Variants in CREB5 observed in about 807,000 individuals in gnomAD.
CREB5 encodes the protein cAMP responsive element binding protein 5.
CREB5 carries 19 observed loss-of-function variants against 57.1 expected under a neutral mutation model. That is an observed-to-expected ratio of 0.33 (90% CI 0.23 to 0.49). CREB5 has a LOEUF of 0.49. CREB5 is among the 20% of genes least tolerant of loss of function. The pLI is 0.99. For missense variants in CREB5, 579 were observed against 671.6 expected (o/e 0.86, Z 1.52); for synonymous variants, 238 against 238.3 (o/e 1.00, Z 0.01).
chr7:28,574,255 T>C (rs576794728), intron 5 of CREB5, among the ~76,000 whole-genome samples: 134 of 152,320 alleles, frequency 8.8e-4, no homozygotes, highest in African/African-American at 3.1e-3. Context: ...CGATCCAGCC[T>C]TGAACCAAAT....
intron 1 of CREB5, among the ~76,000 whole-genome samples, chr7:28,441,640 AC>A (rs1219005179): frequency 6.6e-6 from 1 of 152,200 alleles, no homozygotes; most frequent in Non-Finnish European, 1.5e-5. Flanking sequence ...TGTGGCAGGT[AC>A]TATGTTTGAC....
chr7:28,643,453 G>C (rs1798760019), intron 5 of CREB5, among the ~76,000 whole-genome samples: 1 of 152,120 alleles, frequency 6.6e-6, no homozygotes, highest in Admixed American at 6.5e-5. Context: ...TGTCTGCCCT[G>C]TTCCCATAGT....
intron 5 of CREB5, among the ~76,000 whole-genome samples, chr7:28,666,934 AG>A (rs1461477478): frequency 1.4e-5 from 2 of 148,144 alleles, no homozygotes; most frequent in Non-Finnish European, 1.5e-5. Context: ...ACCCTTTCTT[AG>A]GAAAAAAAAA....
chr7:28,501,354 T>C (rs1281153073), intron 3 of CREB5, among the ~76,000 whole-genome samples: 1 of 152,228 alleles, frequency 6.6e-6, no homozygotes, highest in Non-Finnish European at 1.5e-5. Context: ...TAAAATCAGA[T>C]TGTCTCATCC....
intron 5 of CREB5, among the ~76,000 whole-genome samples, chr7:28,631,915 A>G (rs1798220960): frequency 6.6e-6 from 1 of 152,192 alleles, no homozygotes; most frequent in African/African-American, 2.4e-5. Context: ...ACAGAAGAGT[A>G]GAGAGAATGA....
intron 1 of CREB5, among the ~76,000 whole-genome samples, chr7:28,414,943 G>A (rs1450707386): frequency 6.6e-6 from 1 of 151,992 alleles, no homozygotes. Flanking sequence ...ACCCATAAAA[G>A]ATATTATATT....
At chr7:28,727,816 CAG>C (rs966189044) in intron 7 of CREB5, among the ~76,000 whole-genome samples, 3 of 152,106 alleles carry the variant, frequency 2.0e-5, no homozygotes, top group African/African-American at 7.2e-5. Context: ...TAAGTTTATT[CAG>C]AGTTAGTGAA....
At chr7:28,601,484 A>G (rs1044379904) in intron 5 of CREB5, among the ~76,000 whole-genome samples, 2 of 152,138 alleles carry the variant, frequency 1.3e-5, no homozygotes, top group African/African-American at 2.4e-5. Context: ...GACCAGAGAA[A>G]AGGTACCTCA....
intron 5 of CREB5, among the ~76,000 whole-genome samples, chr7:28,658,747 A>C (rs1434142897): frequency 6.6e-6 from 1 of 151,920 alleles, no homozygotes; most frequent in East Asian, 1.9e-4. Context: ...TTGAGTCGCC[A>C]GTTTTGGGAG....
At chr7:28,324,657 A>G (rs796961965) in intron 1 of CREB5, among the ~76,000 whole-genome samples, 20 of 152,216 alleles carry the variant, frequency 1.3e-4, no homozygotes, top group African/African-American at 4.8e-4. Context: ...ATCTCATCCA[A>G]CCGTAAGGTC....
At chr7:28,465,600 T>C (rs1790530484) in intron 1 of CREB5, among the ~76,000 whole-genome samples, 1 of 152,210 alleles carries the variant, frequency 6.6e-6, no homozygotes, top group African/African-American at 2.4e-5. Context: ...CTGCTTTTAC[T>C]GATAGTGTGA....
At chr7:28,430,274 C>T (rs1170929690) in intron 1 of CREB5, among the ~76,000 whole-genome samples, 1 of 152,200 alleles carries the variant, frequency 6.6e-6, no homozygotes, top group Non-Finnish European at 1.5e-5. Flanking sequence ...TGGGAGGCAT[C>T]CACTCCACGA....
chr7:28,471,900 A>G (rs1790829675), intron 1 of CREB5, among the ~76,000 whole-genome samples: 2 of 152,216 alleles, frequency 1.3e-5, no homozygotes, highest in South Asian at 4.1e-4. Context: ...TAATCTGTTA[A>G]TGTTTGGCAT....
At chr7:28,431,413 C>T (rs1788709868) in intron 1 of CREB5, among the ~76,000 whole-genome samples, 1 of 152,136 alleles carries the variant, frequency 6.6e-6, no homozygotes, top group South Asian at 2.1e-4. Context: ...TCCCCCAAGA[C>T]AGTTAAGATA....
At chr7:28,406,452 C>A (rs778047098) in intron 1 of CREB5, among the ~76,000 whole-genome samples, 26 of 152,184 alleles carry the variant, frequency 1.7e-4, no homozygotes, top group Non-Finnish European at 3.1e-4. Context: ...TGTGTCCAGC[C>A]TATACTCCTG....
At chr7:28,549,074 T>C (rs578095095) in intron 4 of CREB5, among the ~76,000 whole-genome samples, 1 of 152,338 alleles carries the variant, frequency 6.6e-6, no homozygotes, top group Admixed American at 6.5e-5. Flanking sequence ...TAGGTACCTG[T>C]TGGGCTCTGC....
intron 7 of CREB5, among the ~76,000 whole-genome samples, chr7:28,793,256 A>G (rs1324072403): frequency 6.6e-6 from 1 of 152,132 alleles, no homozygotes; most frequent in Non-Finnish European, 1.5e-5. Flanking sequence ...TCCCAAGGAG[A>G]AAAAGCAGGA....
At chr7:28,469,558 A>G (rs1412098178) in intron 1 of CREB5, among the ~76,000 whole-genome samples, 2 of 152,240 alleles carry the variant, frequency 1.3e-5, no homozygotes, top group Non-Finnish European at 2.9e-5. Flanking sequence ...GAATGATACT[A>G]AAATGCCACA....
In CREB5 at chr7:28,384,509, G is replaced by A. The variant is rs1787043337; in HGVS notation, c.-25+85068G>A. ...CCCTCAGATAACCTGGCACAAACAG[G>A]CATTAGGATCTTCATATATGAAAAC... On this transcript the variant is annotated intron_variant, in intron 1 of 9. Transcript: ENST00000396299. Among the ~76,000 whole-genome samples, 4 of 151,996 alleles carry A rather than the reference G, an allele frequency of 2.6e-5. 1 individual carries two copies. In the South Asian group the frequency reaches 6.3e-4, roughly 24 times the overall value.
Sources: allele counts gnomAD v4.1 joint callset (sites outside exome capture counted in the v4.1 genomes callset), GRCh38; gene constraint gnomAD v4.1.1; transcripts MANE v1.5; gene names NCBI Gene and HGNC (gene_info 2026-07-23, HGNC 2026-07-21).